Variants in XRCC5 observed in about 807,000 individuals in gnomAD.
XRCC5 encodes X-ray repair cross complementing 5.
Under a neutral mutation model 95.7 loss-of-function variants are expected in XRCC5, and 12 were observed. The observed-to-expected ratio is 0.13, with a 90% CI of 0.08 to 0.20. The LOEUF is 0.20. Among genes scored for constraint, XRCC5 ranks in the 10% least tolerant of loss-of-function variants. XRCC5 has a pLI of 1.00. For synonymous variants in XRCC5, 281 were observed against 290.3 expected, an observed-to-expected ratio of 0.97 and a Z score of 0.33; for missense variants, 595 against 873.9, an observed-to-expected ratio of 0.68 and a Z score of 4.02.
At chr2:216,120,567 T>C (rs530794226) in intron 5 of XRCC5, among the ~76,000 whole-genome samples, 2 of 152,150 alleles carry the variant, frequency 1.3e-5, no homozygotes, top group Admixed American at 1.3e-4. Context: ...CTGTGTTCTG[T>C]TTTTAATTTA....
In XRCC5 at chr2:216,206,270, A is replaced by G. The variant is rs41296841; in HGVS notation, c.*1068A>G. ...GTTTTGTACATGTAACATTAAAGGCATAAATGACTCATCTCTCTGTGAATT... is the reference window on the plus strand; with the variant it reads ...GTTTTGTACATGTAACATTAAAGGCGTAAATGACTCATCTCTCTGTGAATT... On this transcript the variant is annotated 3_prime_UTR_variant, in exon 21 of 21. Transcript: ENST00000392132. 1.7e-3 allele frequency: 261 copies of G among 152,360 alleles called. No individual in the cohort carries two copies. The highest frequency in any genetic ancestry group is 5.9e-3 in the African/African-American group (244 of 41,580). 9.4% of individuals were successfully genotyped at this position (152,360 alleles called of 1,614,324 possible).
At chr2:216,141,387 T>C in intron 13 of XRCC5, 68 bp downstream of exon 13, 1 of 1,577,818 alleles carries the variant, frequency 6.3e-7, no homozygotes, top group East Asian at 2.2e-5. Context: ...AAAGTTGCGG[T>C]AATTGGCCAG....
intron 10 of XRCC5, 118 bp downstream of exon 10, chr2:216,132,505 G>A: frequency 1.0e-6 from 1 of 982,876 alleles, no homozygotes; most frequent in South Asian, 1.4e-5. Flanking sequence ...ATAGGAGTGG[G>A]GAAATCCACT....
At chr2:216,196,350 A>G (rs1322118690) in intron 19 of XRCC5, among the ~76,000 whole-genome samples, 3 of 152,184 alleles carry the variant, frequency 2.0e-5, no homozygotes, top group Non-Finnish European at 4.4e-5. Context: ...GCCACAGGCA[A>G]TACTGAGCAC....
At chr2:216,146,038 T>G (rs1688623873) in intron 13 of XRCC5, among the ~76,000 whole-genome samples, 3 of 152,178 alleles carry the variant, frequency 2.0e-5, no homozygotes, top group Admixed American at 2.0e-4. Context: ...TTCACAGAGT[T>G]TGGGATCTTT....
chr2:216,204,498 G>GT, intron 20 of XRCC5, 102 bp downstream of exon 20: 1 of 1,327,144 alleles, frequency 7.5e-7, no homozygotes, highest in Non-Finnish European at 1.1e-6. Context: ...GCTTATTTGT[G>GT]TTTTAATTTC....
intron 15 of XRCC5, among the ~76,000 whole-genome samples, chr2:216,160,495 C>T (rs141593261): frequency 3.7e-4 from 56 of 152,094 alleles, no homozygotes; most frequent in African/African-American, 1.3e-3. Context: ...GTTAGTGATA[C>T]GAGCCTTAAT....
intron 16 of XRCC5, among the ~76,000 whole-genome samples, chr2:216,183,220 A>AC (rs1491209882): frequency 6.6e-6 from 1 of 152,212 alleles, no homozygotes; most frequent in Non-Finnish European, 1.5e-5. Context: ...AAATAAAAAC[A>AC]GAAATAAAAG....
intron 16 of XRCC5, among the ~76,000 whole-genome samples, chr2:216,166,891 C>T (rs1435689528): frequency 6.6e-6 from 1 of 151,864 alleles, no homozygotes; most frequent in African/African-American, 2.4e-5. Context: ...ATCTTAAGAG[C>T]CAGAAAGGAT....
intron 17 of XRCC5, among the ~76,000 whole-genome samples, chr2:216,191,397 A>G (rs2106047589): frequency 6.6e-6 from 1 of 151,736 alleles, no homozygotes; most frequent in East Asian, 1.9e-4. Context: ...TGGAGAGATT[A>G]TTATTTTTTC....
chr2:216,191,451 G>C (rs1042989815), intron 17 of XRCC5, among the ~76,000 whole-genome samples: 2 of 147,794 alleles, frequency 1.4e-5, no homozygotes, highest in Non-Finnish European at 1.5e-5. Context: ...CACTCTTGTC[G>C]CCCAGGCTGG....
At chr2:216,121,804 C>G (rs1425187879) in intron 5 of XRCC5, among the ~76,000 whole-genome samples, 1 of 152,158 alleles carries the variant, frequency 6.6e-6, no homozygotes, top group East Asian at 1.9e-4. Flanking sequence ...GACCCTGGGT[C>G]TGGACTTCCT....
At chr2:216,142,987 C>T (rs937002665) in intron 13 of XRCC5, among the ~76,000 whole-genome samples, 3 of 152,200 alleles carry the variant, frequency 2.0e-5, no homozygotes, top group African/African-American at 7.2e-5. Context: ...GCATTTACTA[C>T]ACCTAACCTA....
chr2:216,156,426 T>C (rs1390069648), intron 14 of XRCC5: 2 of 798,464 alleles, frequency 2.5e-6, no homozygotes, highest in African/African-American at 1.7e-5. Flanking sequence ...TAGGCTGACC[T>C]TGTAGCTTTT....
intron 9 of XRCC5, 105 bp downstream of exon 9, chr2:216,131,092 A>C: frequency 7.0e-7 from 1 of 1,423,536 alleles, no homozygotes; most frequent in South Asian, 1.4e-5. Context: ...TTCACTTTTA[A>C]TTTTTCTAAA....
At chr2:216,177,825 A>G (rs1052246959) in intron 16 of XRCC5, among the ~76,000 whole-genome samples, 4 of 152,198 alleles carry the variant, frequency 2.6e-5, no homozygotes, top group Non-Finnish European at 5.9e-5. Flanking sequence ...AGGTTGGATT[A>G]TCCCACAATT....
chr2:216,200,928 C>A (rs1309418151), intron 19 of XRCC5, among the ~76,000 whole-genome samples: 1 of 152,144 alleles, frequency 6.6e-6, no homozygotes, highest in African/African-American at 2.4e-5. Context: ...CTTGTACATA[C>A]CACTTGGTGG....
intron 10 of XRCC5, among the ~76,000 whole-genome samples, chr2:216,134,223 C>T (rs1422163894): frequency 6.6e-6 from 1 of 152,132 alleles, no homozygotes; most frequent in Non-Finnish European, 1.5e-5. Flanking sequence ...ATAATTCCCT[C>T]TTTAAAAAGT....
At chr2:216,169,525 A>C (rs1689115648) in intron 16 of XRCC5, among the ~76,000 whole-genome samples, 1 of 152,206 alleles carries the variant, frequency 6.6e-6, no homozygotes, top group Non-Finnish European at 1.5e-5. Context: ...TTTTAAAAAC[A>C]ATATTGCTTA....
Sources: allele counts gnomAD v4.1 joint callset (sites outside exome capture counted in the v4.1 genomes callset), GRCh38; gene constraint gnomAD v4.1.1; transcripts MANE v1.5; gene names NCBI Gene and HGNC (gene_info 2026-07-23, HGNC 2026-07-21).